Variants in ZNF423 observed in about 807,000 individuals in gnomAD.
The protein encoded by ZNF423 is Ebf-associated zinc finger protein.
In ZNF423, 12 loss-of-function variants were observed where a neutral mutation model predicts 95.8. That is an observed-to-expected ratio of 0.13 (90% confidence interval 0.08 to 0.20). The LOEUF (loss-of-function observed/expected upper bound fraction) is 0.20. Among genes scored for constraint, ZNF423 ranks in the 10% least tolerant of loss-of-function variants. The pLI is 1.00. For missense variants in ZNF423, 1,316 were observed against 1,737.1 expected, an observed-to-expected ratio of 0.76 and a Z score of 4.31; for synonymous variants, 749 against 711.9, an observed-to-expected ratio of 1.05 and a Z score of -0.83.
At chr16:49,642,630 C>A (rs932215497) in intron 3 of ZNF423, among the ~76,000 whole-genome samples, 7 of 152,060 alleles carry the variant, frequency 4.6e-5, no homozygotes, top group Non-Finnish European at 8.8e-5. Flanking sequence ...TGTTTAAAGT[C>A]TTTTATTCAA....
At chr16:49,541,290 A>C (rs558334564) in intron 5 of ZNF423, among the ~76,000 whole-genome samples, 1 of 152,330 alleles carries the variant, frequency 6.6e-6, no homozygotes, top group South Asian at 2.1e-4. Context: ...GTCTCTGTCC[A>C]CAGCCCTGTG....
chr16:49,516,909 T>C (rs1968172210), intron 7 of ZNF423, among the ~76,000 whole-genome samples: 1 of 152,196 alleles, frequency 6.6e-6, no homozygotes, highest in African/African-American at 2.4e-5. Flanking sequence ...TTCCTGGGTG[T>C]TCCTTCTGGC....
At position 49,523,726 on chromosome 16, in the gene ZNF423, G is replaced by A; in HGVS notation, c.3747C>T (p.Ala1249=). 1 of 1,613,578 alleles carries A rather than the reference G, an allele frequency of 6.2e-7. No homozygotes were observed. The change falls in exon 7 of 8, where the codon GCC becomes GCT. Residue 1249 remains alanine, a synonymous_variant. Transcript: ENST00000563137. Reference sequence around the variant, plus strand: ...CAAAGATGTGCTGCTGCAACTTGTTGGCCTGGACGAAGACTAGACACAGAC... The same window carrying A: ...CAAAGATGTGCTGCTGCAACTTGTTAGCCTGGACGAAGACTAGACACAGAC... ...CPVCFTVFVQ[A]NKLQQHIFAV... is the part of the protein sequence containing the mutation.
At chr16:49,575,888 G>C (rs112751976) in intron 5 of ZNF423, among the ~76,000 whole-genome samples, 8 of 152,156 alleles carry the variant, frequency 5.3e-5, no homozygotes, top group Non-Finnish European at 7.4e-5. Flanking sequence ...AAGGAGGCAC[G>C]GGCTGCCCTC....
At chr16:49,594,042 A>C (rs909747080) in intron 5 of ZNF423, among the ~76,000 whole-genome samples, 5 of 152,032 alleles carry the variant, frequency 3.3e-5, no homozygotes, top group African/African-American at 1.2e-4. Context: ...AGAACTCAAA[A>C]ACTAGCAGTG....
At position 49,635,619 on chromosome 16, in the gene ZNF423, AG is replaced by A. The variant is rs1425407433; in HGVS notation, c.3516+40del. 1 of 1,511,036 alleles carries A rather than the reference AG, an allele frequency of 6.6e-7. No individual in the cohort carries two copies. The highest frequency in any genetic ancestry group is 1.4e-5 in the African/African-American group (1 of 71,408). 93.6% of individuals were successfully genotyped at this position (1,511,036 alleles called of 1,614,324 possible). A position where few individuals can be genotyped will look rare whatever the true frequency, so the allele number is the denominator to read the frequency against. On this transcript the variant is annotated intron_variant, in intron 4 of 7. Coordinates refer to ENST00000563137, the MANE Select transcript of ZNF423 (RefSeq NM_001379286.1). The surrounding 1 kb of genome is among the most constrained non-coding windows in gnomAD (Gnocchi z 4.8). ...TCCTGTGGGGACCAGAGGAGCCCCA[AG>A]GAGAGGAGCAGGGAGCAGGATGAGG...
At chr16:49,781,636 G>A (rs2034213743) in intron 2 of ZNF423, among the ~76,000 whole-genome samples, 1 of 152,164 alleles carries the variant, frequency 6.6e-6, no homozygotes, top group South Asian at 2.1e-4. Context: ...AGTGCAGGCG[G>A]GACTGCACGG....
chr16:49,499,950 T>C (rs1967329557), intron 7 of ZNF423, among the ~76,000 whole-genome samples: 1 of 152,120 alleles, frequency 6.6e-6, no homozygotes, highest in Non-Finnish European at 1.5e-5. Flanking sequence ...AATACCTGCC[T>C]GGAGGGACAG....
rs770665357 is a variant in ZNF423 at position 49,487,565 on chromosome 16, C to G, written c.*3710G>C. ...ATTTCACTTTATTCATCGTTGTCAT[C>G]ATGATTGTTATAATAAAATTAACAA... is the stretch of plus-strand genomic sequence containing the variant. On this transcript the variant is annotated 3_prime_UTR_variant, in exon 8 of 8. Coordinates refer to ENST00000563137, the MANE Select transcript of ZNF423 (RefSeq NM_001379286.1). 6 of 152,160 alleles carry G rather than the reference C, an allele frequency of 3.9e-5. No homozygotes were observed. Among genetic ancestry groups the G allele is most frequent in the Non-Finnish European group, 5.9e-5 (4 of 68,028 alleles). 9.4% of individuals were successfully genotyped at this position (152,160 alleles called of 1,614,324 possible).
chr16:49,809,410 C>T (rs1251931181), intron 1 of ZNF423, among the ~76,000 whole-genome samples: 4 of 152,194 alleles, frequency 2.6e-5, no homozygotes, highest in Non-Finnish European at 1.5e-5. Context: ...TATGCTCCAG[C>T]GGGCGGCAGC....
rs144412051 is a variant in ZNF423 at position 49,592,718 on chromosome 16, A to G, written c.3601+33452T>C. ...TACACAAAAGACAAAGCAGGCAGGA[A>G]ACTCAAACCCACTCAGCAAAGGTGT... On this transcript the variant is annotated intron_variant, in intron 5 of 7. Transcript: ENST00000563137. Among the ~76,000 whole-genome samples the G allele has an allele frequency of 1.1e-4, 17 of 152,354 alleles. No individual in the cohort carries two copies. In the East Asian group the frequency reaches 2.9e-3, roughly 26 times the overall value.
intron 2 of ZNF423, among the ~76,000 whole-genome samples, chr16:49,771,768 C>A (rs2034039585): frequency 6.6e-6 from 1 of 152,160 alleles, no homozygotes. Context: ...AACTGTAAGG[C>A]CATTAAACCT....
chr16:49,525,990 C>T lies in ZNF423; in HGVS notation c.3602-496G>A, dbSNP rs1597051316. ...GGTGGTGGGGTAGACAGATGATAAACAAAATCATCAGCACATAATGCAGTG... is the reference window on the plus strand; with the variant it reads ...GGTGGTGGGGTAGACAGATGATAAATAAAATCATCAGCACATAATGCAGTG... On this transcript the variant is annotated intron_variant, in intron 5 of 7. Transcript: ENST00000563137. 2.0e-5 allele frequency among the ~76,000 whole-genome samples: 3 copies of T among 152,230 alleles called. No homozygotes were observed. In the East Asian group the frequency reaches 5.8e-4, roughly 29 times the overall value.
At chr16:49,516,343 G>T (rs1272130873) in intron 7 of ZNF423, among the ~76,000 whole-genome samples, 1 of 152,216 alleles carries the variant, frequency 6.6e-6, no homozygotes, top group Non-Finnish European at 1.5e-5. Flanking sequence ...TCCAAGGAGA[G>T]GGAATCCCCA....
At chr16:49,743,370 G>A (rs2033455268) in intron 2 of ZNF423, among the ~76,000 whole-genome samples, 1 of 152,110 alleles carries the variant, frequency 6.6e-6, no homozygotes, top group Non-Finnish European at 1.5e-5. Context: ...TTTATTTGCT[G>A]GATGTGCGAA....
rs1966918087 is a variant in ZNF423 at position 49,490,586 on chromosome 16, G to A, written c.*689C>T. The A allele has an allele frequency of 6.5e-6, 1 of 152,702 alleles. No individual in the cohort carries two copies. Among genetic ancestry groups the A allele is most frequent in the Non-Finnish European group, 1.5e-5 (1 of 68,220 alleles). The allele number at this position is 152,702 out of a possible 1,614,324, so 9.5% of individuals were successfully genotyped here. A position where few individuals can be genotyped will look rare whatever the true frequency, so the allele number is the denominator to read the frequency against. On this transcript the variant is annotated 3_prime_UTR_variant, in exon 8 of 8. Coordinates refer to ENST00000563137, the MANE Select transcript of ZNF423 (RefSeq NM_001379286.1). ...CCACGCGGCCCTAGGCTGGGGAGGA[G>A]AGAACCAGGCAGCCGGATGCTAATC...
In ZNF423 at chr16:49,635,881, G is replaced by A. The variant is rs775921799; in HGVS notation, c.3295C>T (p.Leu1099Phe). 9 of 1,581,370 alleles carry A rather than the reference G, an allele frequency of 5.7e-6. No individual in the cohort carries two copies. The highest frequency in any genetic ancestry group is 1.7e-4 in the Middle Eastern group (1 of 5,906). Residue 1099 changes from leucine (L) to phenylalanine (F), a missense_variant, in exon 4 of 8, where the codon CTC becomes TTC. Transcript: ENST00000563137. The surrounding 1 kb of genome is among the most constrained non-coding windows in gnomAD (Gnocchi z 4.8). ...KLDVNGLPYG[L>F]CAGCMARSAN... ...CTGCGGGCCATGCAGCCGGCGCAGA[G>A]GCCGTAGGGCAGCCCATTGACGTCA...
intron 6 of ZNF423, 30 bp from the exon 7 acceptor site, chr16:49,523,769 G>T: frequency 1.9e-6 from 3 of 1,589,980 alleles, no homozygotes; most frequent in Non-Finnish European, 2.6e-6. Flanking sequence ...TCAGGGCCAA[G>T]CTCAGGACAC....
Position 49,621,122 on chromosome 16 carries a change from G to T in ZNF423, c.3601+5048C>A, listed in dbSNP as rs952607936. 3.3e-5 allele frequency among the ~76,000 whole-genome samples: 5 copies of T among 152,190 alleles called. No individual in the cohort carries two copies. In the East Asian group the frequency reaches 5.8e-4, roughly 18 times the overall value. On this transcript the variant is annotated intron_variant, in intron 5 of 7. Coordinates refer to ENST00000563137, the MANE Select transcript of ZNF423 (RefSeq NM_001379286.1). ...AGTCATCCTCCCAGAGTCCTCGGAG[G>T]GGGTGAAGGGGAGGTGGGGAAAGGG...
Sources: allele counts gnomAD v4.1 joint callset (sites outside exome capture counted in the v4.1 genomes callset), GRCh38; gene constraint gnomAD v4.1.1; non-coding constraint Gnocchi (gnomAD v3.1); transcripts MANE v1.5; gene names NCBI Gene and HGNC (gene_info 2026-07-23, HGNC 2026-07-21).